Variants in NEB observed in about 807,000 individuals in gnomAD.
The protein encoded by NEB is nemaline myopathy type 2.
Under a neutral mutation model 952.2 loss-of-function variants are expected in NEB, and 512 were observed. The observed-to-expected ratio is 0.54, with a 90% CI of 0.50 to 0.58. The LOEUF (loss-of-function observed/expected upper bound fraction) is 0.58. NEB is among the 20% of genes least tolerant of loss of function. NEB has a pLI of 0.00. For missense variants in NEB, 8,428 were observed against 9,231.1 expected, an observed-to-expected ratio of 0.91 and a Z score of 3.56; for synonymous variants, 2,900 against 3,149.8, an observed-to-expected ratio of 0.92 and a Z score of 2.66.
intron 11 of NEB, 26 bp downstream of exon 11, chr2:151,710,408 C>G: frequency 6.6e-7 from 1 of 1,518,922 alleles, no homozygotes; most frequent in Non-Finnish European, 9.1e-7. Context: ...CCAGGATGAC[C>G]AACCAGCCAT....
rs984143562 is a variant in NEB at position 151,521,818 on chromosome 2, T to G, written c.22480-2050A>C. ...GGAAGTCCTCTAAACAAATGCAGCT[T>G]TTTACAACTACTAATATGAATCTGA... On this transcript the variant is annotated intron_variant, in intron 153 of 181. Transcript: ENST00000397345. 9.8e-5 allele frequency among the ~76,000 whole-genome samples: 15 copies of G among 152,336 alleles called. No homozygotes were observed. The South Asian group carries it at 1.0e-3, about 11-fold the overall frequency.
At chr2:151,626,949 TATCTTGA>T (rs2098538375) in intron 70 of NEB, 46 bp downstream of exon 70, 1 of 1,577,768 alleles carries the variant, frequency 6.3e-7, no homozygotes, top group Admixed American at 1.7e-5. Flanking sequence ...TAACAATAGG[TATCTTGA>T]ATGACATATA....
At chr2:151,521,312 A>G (rs564102266) in intron 153 of NEB, among the ~76,000 whole-genome samples, 38 of 152,376 alleles carry the variant, frequency 2.5e-4, no homozygotes, top group African/African-American at 8.7e-4. Context: ...AGAACAGTTC[A>G]GCATGATGCA....
intron 35 of NEB, 70 bp downstream of exon 35, chr2:151,675,217 A>G (rs2099350173): frequency 1.8e-6 from 2 of 1,082,526 alleles, no homozygotes; most frequent in South Asian, 2.7e-5. Flanking sequence ...TCAAGGCACC[A>G]TCCTACTCTT....
Position 151,725,529 on chromosome 2 carries a change from T to G in NEB, c.326A>C (p.Lys109Thr). Reference sequence around the variant, plus strand: ...TGTTGTGCTGGCGTATGGCTGTCCTTTTGTTTTCTCAAACTTCTCCTTGTA... The same window carrying G: ...TGTTGTGCTGGCGTATGGCTGTCCTGTTGTTTTCTCAAACTTCTCCTTGTA... ...NKYKEKFEKTKGQPYASTTDT... is the reference protein window; with the variant it reads ...NKYKEKFEKTTGQPYASTTDT... The change falls in exon 6 of 182, where the codon AAA becomes ACA. Residue 109 changes from lysine to threonine, a missense_variant. By Grantham distance (78) the Lys-to-Thr change is moderately conservative. This residue lies in a region of NEB where 2,851 missense variants were observed against 2,791.5 expected (regional missense o/e 1.02). Coordinates refer to ENST00000397345, the MANE Select transcript of NEB (RefSeq NM_001164508.2). The G allele has an allele frequency of 6.2e-7, 1 of 1,613,762 alleles. No homozygotes were observed. Among genetic ancestry groups the G allele is most frequent in the East Asian group, 2.2e-5 (1 of 44,874 alleles).
In NEB at chr2:151,620,343, GTGTGTATATA is replaced by G. The variant is rs1318374096; in HGVS notation, c.10560+566_10560+575del. On this transcript the variant is annotated intron_variant, in intron 72 of 181. Coordinates refer to ENST00000397345, the MANE Select transcript of NEB (RefSeq NM_001164508.2). Reference sequence around the variant, plus strand: ...AATTTTATTATATATATATGTATGTGTGTGTATATATATATATATATATATATATATATAT... The same window carrying G: ...AATTTTATTATATATATATGTATGTGTATATATATATATATATATATATAT... Among the ~76,000 whole-genome samples the G allele has an allele frequency of 2.8e-3, 135 of 48,898 alleles. 4 individuals are homozygous for G. Among genetic ancestry groups the G allele is most frequent in the South Asian group, 8.4e-3 (15 of 1,794 alleles). 32.1% of individuals were successfully genotyped at this position (48,898 alleles called of 152,430 possible).
At chr2:151,653,930 C>G in intron 52 of NEB, 62 bp downstream of exon 52, 1 of 1,081,206 alleles carries the variant, frequency 9.2e-7, no homozygotes, top group Non-Finnish European at 1.4e-6. Flanking sequence ...AAATAGTTAC[C>G]GACATTAAGT....
chr2:151,613,270 A>G (rs192217338), intron 77 of NEB, among the ~76,000 whole-genome samples: 33 of 152,338 alleles, frequency 2.2e-4, no homozygotes, highest in African/African-American at 7.7e-4. Flanking sequence ...CAAGTTTCTT[A>G]GAAAATTTGT....
chr2:151,540,225 G>T (rs1485639550), intron 138 of NEB, 119 bp downstream of exon 138: 4 of 558,738 alleles, frequency 7.2e-6, no homozygotes, highest in African/African-American at 5.8e-5. Flanking sequence ...AAAAATGTGT[G>T]TTTTTTTCCT....
intron 52 of NEB, among the ~76,000 whole-genome samples, chr2:151,653,293 A>T (rs1253556153): frequency 6.6e-6 from 1 of 152,224 alleles, no homozygotes; most frequent in Non-Finnish European, 1.5e-5. Flanking sequence ...AATATGCAGA[A>T]TATCTAAGTA....
chr2:151,537,833 A>G (rs1388313046), intron 140 of NEB, 39 bp downstream of exon 140: 4 of 1,348,898 alleles, frequency 3.0e-6, no homozygotes, highest in African/African-American at 1.5e-5. Context: ...ATATGGGAAT[A>G]TGAATTTATA....
At position 151,525,997 on chromosome 2, in the gene NEB, G is replaced by A; in HGVS notation, c.22122C>T (p.Asp7374=). 6.2e-7 allele frequency: 1 copy of A among 1,613,994 alleles called. No individual in the cohort carries two copies. The highest frequency in any genetic ancestry group is 1.1e-5 in the South Asian group (1 of 91,086). ...TGGTCACTTCCTTGACGTGAACAGT[G>A]TCCCGGGTCTCTGGTAGTGTTGTGT... ...GSYTTLPETR[D]TVHVKEVTKH... Residue 7374 remains aspartate (D), a synonymous_variant, in exon 150 of 182, where the codon GAC becomes GAT. Coordinates refer to ENST00000397345, the MANE Select transcript of NEB (RefSeq NM_001164508.2).
intron 121 of NEB, 23 bp from the exon 122 acceptor site, chr2:151,561,335 T>C: frequency 1.3e-6 from 2 of 1,515,702 alleles, no homozygotes; most frequent in Non-Finnish European, 1.8e-6. Context: ...ACAAAAGTCA[T>C]CAAAAATGGT....
chr2:151,694,883 T>C (rs1223003022), intron 18 of NEB, among the ~76,000 whole-genome samples: 4 of 152,194 alleles, frequency 2.6e-5, no homozygotes, highest in African/African-American at 9.6e-5. Flanking sequence ...TCATATTTGA[T>C]TCCTAACACT....
intron 172 of NEB, among the ~76,000 whole-genome samples, 161 bp downstream of exon 172, chr2:151,496,780 G>C (rs115826291): frequency 6.6e-6 from 1 of 152,146 alleles, no homozygotes; most frequent in African/African-American, 2.4e-5. Flanking sequence ...TATGGAAATG[G>C]TGTTAGGCTA....
At chr2:151,576,900 C>T (rs904354196) in intron 105 of NEB, among the ~76,000 whole-genome samples, 2 of 152,096 alleles carry the variant, frequency 1.3e-5, no homozygotes. Context: ...CATAATTCCT[C>T]AAATGCACAA....
chr2:151,497,619 A>AAAG lies in NEB; in HGVS notation c.24300+4_24300+6dup. 2 of 1,564,548 alleles carry AAAG rather than the reference A, an allele frequency of 1.3e-6. No individual in the cohort carries two copies. The highest frequency in any genetic ancestry group is 1.7e-4 in the Middle Eastern group (1 of 6,004). ...TAAGTAGTTTTTTTCTTTTCTTGCC[A>AAAG]AAGTACCGAGCTAATATTTTCTTGA... On this transcript the variant is annotated splice_region_variant and intron_variant, in intron 171 of 181. Transcript: ENST00000397345.
At chr2:151,632,779 G>A (rs1379057541) in intron 65 of NEB, among the ~76,000 whole-genome samples, 2 of 152,084 alleles carry the variant, frequency 1.3e-5, no homozygotes, top group Admixed American at 1.3e-4. Context: ...CATATCGCAG[G>A]GTGAGGAAGG....
intron 37 of NEB, 95 bp downstream of exon 37, chr2:151,672,274 T>C: frequency 1.6e-6 from 2 of 1,214,066 alleles, no homozygotes; most frequent in South Asian, 1.8e-5. Context: ...AGTGCATTTG[T>C]CAAATAGCTG....
Sources: gnomAD v4.1 joint callset for allele counts (sites outside exome capture counted in the v4.1 genomes callset) on GRCh38, gnomAD v4.1.1 for gene constraint, gnomAD v4.1.1 regional missense constraint, MANE v1.5 for transcripts, NCBI Gene and HGNC (gene_info 2026-07-23, HGNC 2026-07-21) for gene names.